The following KMT2C variants were observed in gnomAD, a reference collection of about 807,000 sequenced individuals.
KMT2C encodes the protein histone-lysine N-methyltransferase 2C.
In KMT2C, 88 loss-of-function variants were observed where a neutral mutation model predicts 507.9. The observed-to-expected ratio is 0.17, with a 90% confidence interval of 0.15 to 0.21. KMT2C has a LOEUF of 0.21. Among genes scored for constraint, KMT2C ranks in the 10% least tolerant of loss-of-function variants. KMT2C has a pLI of 1.00. For missense variants in KMT2C, 4,954 were observed against 5,957.8 expected, an observed-to-expected ratio of 0.83 and a Z score of 5.55; for synonymous variants, 2,049 against 2,080.8, an observed-to-expected ratio of 0.98 and a Z score of 0.42.
intron 3 of KMT2C, among the ~76,000 whole-genome samples, chr7:152,327,879 A>G (rs2096843554): frequency 1.3e-5 from 2 of 149,416 alleles, no homozygotes; most frequent in Non-Finnish European, 3.0e-5. Context: ...AATGGCGTGA[A>G]CCCAGGAGGT....
chr7:152,381,608 A>C (rs1369499192), intron 1 of KMT2C, among the ~76,000 whole-genome samples: 1 of 152,294 alleles, frequency 6.6e-6, no homozygotes, highest in Non-Finnish European at 1.5e-5. Context: ...AAAATATCTT[A>C]AGAAATATAA....
intron 55 of KMT2C, among the ~76,000 whole-genome samples, chr7:152,141,349 G>T (rs1204106148): frequency 6.6e-6 from 1 of 151,908 alleles, no homozygotes; most frequent in South Asian, 2.1e-4. Flanking sequence ...ATCCCTGCAT[G>T]TATGAAAATC....
intron 1 of KMT2C, among the ~76,000 whole-genome samples, chr7:152,362,994 C>A (rs1029935288): frequency 6.6e-6 from 1 of 152,124 alleles, no homozygotes; most frequent in Non-Finnish European, 1.5e-5. Flanking sequence ...TCATCGGTGT[C>A]CTTATTGCTG....
intron 23 of KMT2C, among the ~76,000 whole-genome samples, chr7:152,215,928 A>T (rs1588288061): frequency 6.6e-6 from 1 of 152,266 alleles, no homozygotes; most frequent in South Asian, 2.1e-4. Flanking sequence ...TCAAATTTTA[A>T]AAGTTGAGGG....
intron 8 of KMT2C, 116 bp from the exon 9 acceptor site, chr7:152,263,246 C>T: frequency 5.0e-6 from 4 of 795,320 alleles, no homozygotes; most frequent in Non-Finnish European, 7.9e-6. Context: ...ACCTCAGTAT[C>T]TGTTTTGTCT....
chr7:152,331,034 A>G (rs949550500), intron 2 of KMT2C, among the ~76,000 whole-genome samples: 1 of 152,156 alleles, frequency 6.6e-6, no homozygotes. Flanking sequence ...TTGGCCAGGC[A>G]TGGTGGCTCA....
rs771211975 is a variant in KMT2C at position 152,177,794 on chromosome 7, T to C, written c.7659A>G (p.Ile2553Met). Residue 2553 changes from isoleucine (I) to methionine (M), a missense_variant, in exon 38 of 59, where the codon ATA becomes ATG. By Grantham distance (10) the Ile-to-Met change is conservative. Coordinates refer to ENST00000262189, the MANE Select transcript of KMT2C (RefSeq NM_170606.3). ...TCAGTTCAATATATGCTTGGCCCAG[T>C]ATGTTGTGCTGCTGAACTGGCAAGC... ...PQSLPVQQHN[I>M]LGQAYIELRH... 4 of 1,613,826 alleles carry C rather than the reference T, an allele frequency of 2.5e-6. No homozygotes were observed. The South Asian group carries it at 3.3e-5, about 13-fold the overall frequency.
chr7:152,316,352 G>C (rs553454820), intron 3 of KMT2C, among the ~76,000 whole-genome samples: 1 of 152,262 alleles, frequency 6.6e-6, no homozygotes, highest in African/African-American at 2.4e-5. Flanking sequence ...TGGGGGTAGA[G>C]GTGGGAGAAT....
At chr7:152,392,096 CTA>C (rs1327718259) in intron 1 of KMT2C, among the ~76,000 whole-genome samples, 5 of 152,192 alleles carry the variant, frequency 3.3e-5, no homozygotes, top group Admixed American at 2.0e-4. Context: ...CCTATATACA[CTA>C]TGTTTTATAT....
chr7:152,193,087 G>GA (rs1340305335), intron 31 of KMT2C, among the ~76,000 whole-genome samples: 3 of 152,132 alleles, frequency 2.0e-5, no homozygotes, highest in African/African-American at 7.2e-5. Context: ...AGGACAGTAG[G>GA]ATCGCTTGAG....
At chr7:152,388,616 C>T (rs12673173) in intron 1 of KMT2C, among the ~76,000 whole-genome samples, 4,544 of 149,388 alleles carry the variant, frequency 0.03, no homozygotes, top group South Asian at 0.068. Flanking sequence ...GCTTTTCAAG[C>T]ACACCCTTTT....
intron 1 of KMT2C, chr7:152,368,588 C>T: frequency 7.1e-7 from 1 of 1,415,366 alleles, no homozygotes; most frequent in Non-Finnish European, 9.9e-7. Context: ...AACTGGGAAG[C>T]TCAACAACAT....
In KMT2C at chr7:152,181,243, G is replaced by T. The variant is rs1284287074; in HGVS notation, c.6617C>A (p.Pro2206His). 1.2e-6 allele frequency: 2 copies of T among 1,614,108 alleles called. No homozygotes were observed. The highest frequency in any genetic ancestry group is 1.7e-6 in the Non-Finnish European group (2 of 1,180,028). The part of the protein sequence containing the change: ...NQRHSDPYAH[P>H]PGTPRPGISV... ...AATTCCAGGTCTTGGTGTTCCAGGAGGATGAGCATATGGATCAGAATGCCT... is the reference window on the plus strand; with the variant it reads ...AATTCCAGGTCTTGGTGTTCCAGGATGATGAGCATATGGATCAGAATGCCT... The change falls in exon 36 of 59, where the codon CCT becomes CAT. Residue 2206 changes from proline to histidine, a missense_variant. Physicochemically the swap from Pro to His is moderately conservative, Grantham distance 77. Coordinates refer to ENST00000262189, the MANE Select transcript of KMT2C (RefSeq NM_170606.3).
intron 31 of KMT2C, among the ~76,000 whole-genome samples, chr7:152,190,335 A>G (rs1213457105): frequency 6.6e-6 from 1 of 152,238 alleles, no homozygotes; most frequent in Non-Finnish European, 1.5e-5. Flanking sequence ...CGATATTACA[A>G]TAATAATCTT....
intron 1 of KMT2C, among the ~76,000 whole-genome samples, chr7:152,407,937 A>G (rs2097636879): frequency 1.3e-5 from 2 of 152,308 alleles, no homozygotes; most frequent in Admixed American, 1.3e-4. Context: ...TTCCAAATCA[A>G]CAGTCCTTAC....
chr7:152,408,078 A>G (rs2116644992), intron 1 of KMT2C, among the ~76,000 whole-genome samples: 1 of 152,332 alleles, frequency 6.6e-6, no homozygotes, highest in African/African-American at 2.4e-5. Context: ...TCACAAGGTC[A>G]GGAGTTCGAG....
intron 2 of KMT2C, among the ~76,000 whole-genome samples, chr7:152,356,798 G>A (rs146508075): frequency 9.3e-4 from 141 of 151,224 alleles, no homozygotes; most frequent in African/African-American, 3.2e-3. Flanking sequence ...GACTGAGGCA[G>A]GAGAATCACT....
chr7:152,233,317 A>G (rs974285606), intron 16 of KMT2C, among the ~76,000 whole-genome samples: 1 of 152,206 alleles, frequency 6.6e-6, no homozygotes, highest in African/African-American at 2.4e-5. Flanking sequence ...TGTTGCCTGC[A>G]TAGATAATAG....
At chr7:152,342,553 G>A (rs1350470917) in intron 2 of KMT2C, among the ~76,000 whole-genome samples, 1 of 152,158 alleles carries the variant, frequency 6.6e-6, no homozygotes, top group Non-Finnish European at 1.5e-5. Flanking sequence ...CAGAACTGGA[G>A]GAATAGACAT....
Sources: gnomAD v4.1 joint callset for allele counts (sites outside exome capture counted in the v4.1 genomes callset) on GRCh38, gnomAD v4.1.1 for gene constraint, MANE v1.5 for transcripts, NCBI Gene and HGNC (gene_info 2026-07-23, HGNC 2026-07-21) for gene names.